RBM5: variants seen among roughly 807,000 people sequenced by gnomAD.
RBM5 encodes the protein RNA binding motif protein 5.
In RBM5, 15 loss-of-function variants were observed where a neutral mutation model predicts 124.6. That is an observed-to-expected ratio of 0.12 (90% CI 0.08 to 0.19). RBM5 has a LOEUF of 0.19. RBM5 is among the 10% of genes least tolerant of loss of function. The pLI, the probability that RBM5 is intolerant of heterozygous loss-of-function variation, is 1.00. For missense variants in RBM5, 580 were observed against 1,026.5 expected, an observed-to-expected ratio of 0.57 and a Z score of 5.94; for synonymous variants, 337 against 361.2, an observed-to-expected ratio of 0.93 and a Z score of 0.76.
chr3:50,090,520 GT>G, intron 2 of RBM5, 69 bp downstream of exon 2: 1 of 1,567,620 alleles, frequency 6.4e-7, no homozygotes. Context: ...GTTTAAAATA[GT>G]TTATCAAACT....
chr3:50,105,143 G>GT lies in RBM5; in HGVS notation c.694+2dup, dbSNP rs1307979260. ...CAGTCTGTGGATTACTACTGTGATAGTAAGTTCATACACGATCTTTTGGTC... is the reference window on the plus strand; with the variant it reads ...CAGTCTGTGGATTACTACTGTGATAGTTAAGTTCATACACGATCTTTTGGTC... On this transcript the variant is annotated splice_donor_variant, in intron 9 of 24. Coordinates refer to ENST00000347869, the MANE Select transcript of RBM5 (RefSeq NM_005778.4). LOFTEE classifies it high-confidence loss of function. The GT allele has an allele frequency of 3.2e-6, 5 of 1,582,108 alleles. No homozygotes were observed. The highest frequency in any genetic ancestry group is 4.3e-6 in the Non-Finnish European group (5 of 1,151,628).
intron 12 of RBM5, 90 bp from the exon 13 acceptor site, chr3:50,107,980 C>G: frequency 8.8e-7 from 1 of 1,132,454 alleles, no homozygotes; most frequent in East Asian, 2.4e-5. Flanking sequence ...GCCACAGCGC[C>G]CAGCATCATG....
intron 9 of RBM5, 128 bp downstream of exon 9, chr3:50,105,270 T>C: frequency 1.3e-6 from 1 of 778,396 alleles, no homozygotes; most frequent in Non-Finnish European, 2.0e-6. Context: ...TAGCTGGGTG[T>C]GGTGGCACAC....
At chr3:50,091,703 C>T (rs1294205108) in intron 2 of RBM5, among the ~76,000 whole-genome samples, 1 of 152,148 alleles carries the variant, frequency 6.6e-6, no homozygotes, top group Non-Finnish European at 1.5e-5. Flanking sequence ...TGTTTTTGGT[C>T]ACTAAGATCT....
At position 50,113,502 on chromosome 3, in the gene RBM5, G is replaced by T; in HGVS notation, c.1575G>T (p.Gly525=). Residue 525 remains glycine, a synonymous_variant, in exon 18 of 25, where the codon GGG becomes GGT. Transcript: ENST00000347869. ...QQSGLPPAKE[G]KEKKEKPKSK... is the part of the protein sequence containing the mutation. ...CGGGCCTGCCTCCTGCAAAAGAGGG[G>T]AAAGAGAAGAAGGAGAAACCCAAGA... 1 of 1,614,088 alleles carries T rather than the reference G, an allele frequency of 6.2e-7. No homozygotes were observed. Among genetic ancestry groups the T allele is most frequent in the Non-Finnish European group, 8.5e-7 (1 of 1,180,022 alleles).
At chr3:50,114,499 G>T in intron 20 of RBM5, 1 of 474,750 alleles carries the variant, frequency 2.1e-6, no homozygotes, top group Non-Finnish European at 3.7e-6. Flanking sequence ...TTGCATCTGT[G>T]AGTGGAGAGT....
Position 50,108,119 on chromosome 3 carries a change from G to T in RBM5, c.1091G>T (p.Gly364Val). Reference protein sequence around the residue: ...GSVDYSYLQPGQDGYAQYAQY... With the variant: ...GSVDYSYLQPVQDGYAQYAQY... The stretch of plus-strand genomic sequence containing the variant: ...GTTGACTACAGTTATCTGCAACCAG[G>T]TCAAGATGGCTATGCCCAATATGCT... The change falls in exon 13 of 25, where the codon GGT becomes GTT. Residue 364 changes from glycine to valine, a missense_variant. Coordinates refer to ENST00000347869, the MANE Select transcript of RBM5 (RefSeq NM_005778.4). 1 of 1,611,630 alleles carries T rather than the reference G, an allele frequency of 6.2e-7. No individual in the cohort carries two copies. The highest frequency in any genetic ancestry group is 8.5e-7 in the Non-Finnish European group (1 of 1,177,732).
At chr3:50,106,689 A>C (rs1575323018) in intron 10 of RBM5, 78 bp from the exon 11 acceptor site, 1 of 1,026,920 alleles carries the variant, frequency 9.7e-7, no homozygotes, top group East Asian at 2.4e-5. Context: ...ATAGAAAACT[A>C]CTTCTTTGAA....
At chr3:50,106,118 ATTTTTTTTTTTTTTTTTTTTTTT>A (rs61297967) in intron 10 of RBM5, among the ~76,000 whole-genome samples, 4,160 of 33,122 alleles carry the variant, frequency 0.13, 392 homozygotes, top group African/African-American at 0.36. Context: ...ACGCCCAGCT[ATTTTTTTTTTTTTTTTTTTTTTT>A]TTTTTTTTTT....
At chr3:50,089,938 A>G (rs1022736673) in intron 1 of RBM5, 2 of 158,972 alleles carry the variant, frequency 1.3e-5, no homozygotes, top group East Asian at 1.9e-4. Context: ...ACGAGGTTTT[A>G]CATTTTTCAT....
intron 12 of RBM5, 106 bp downstream of exon 12, chr3:50,107,675 T>A (rs2091062196): frequency 1.3e-5 from 3 of 222,430 alleles, no homozygotes; most frequent in East Asian, 8.3e-5. Context: ...TTCTTTTCTT[T>A]TTTTTTTTTT....
At chr3:50,107,667 CTTTTCT>C (rs2091060494) in intron 12 of RBM5, 98 bp downstream of exon 12, 2 of 135,128 alleles carry the variant, frequency 1.5e-5, no homozygotes, top group Non-Finnish European at 2.7e-5. Flanking sequence ...GAGCTCTTTT[CTTTTCT>C]TTTTTTTTTT....
intron 2 of RBM5, 77 bp downstream of exon 2, chr3:50,090,528 A>G (rs1198450654): frequency 1.3e-6 from 2 of 1,539,742 alleles, no homozygotes; most frequent in Non-Finnish European, 8.9e-7. Context: ...TAGTTTATCA[A>G]ACTAATATAT....
rs761365050 is a variant in RBM5, at chr3:50,103,070, T to A, written c.484-13T>A. On this transcript the variant is annotated splice_polypyrimidine_tract_variant and intron_variant, in intron 6 of 24. Transcript: ENST00000347869. Reference sequence around the variant, plus strand: ...CTCACAATGGGAATAACTAATTACTTCTTTTCTTACAGAAAAAGTTGGTGA... The same window carrying A: ...CTCACAATGGGAATAACTAATTACTACTTTTCTTACAGAAAAAGTTGGTGA... 3.2e-6 allele frequency: 5 copies of A among 1,577,038 alleles called. No individual in the cohort carries two copies. The South Asian group carries it at 5.5e-5, about 17-fold the overall frequency.
intron 10 of RBM5, 96 bp from the exon 11 acceptor site, chr3:50,106,671 A>AT (rs2091039219): frequency 4.5e-6 from 4 of 882,674 alleles, no homozygotes; most frequent in Non-Finnish European, 7.1e-6. Flanking sequence ...ATTGCCTTTT[A>AT]TTTTTTAATA....
rs1278380198 is a variant in RBM5, at chr3:50,089,425, C to G, written c.-54+396C>G. ...TCCGAAAAGCTGTTCGGTGATCGCC[C>G]ATCTGCGGGTTTGGAACCTCTTGGG... On this transcript the variant is annotated intron_variant, in intron 1 of 24. Transcript: ENST00000347869. Among the ~76,000 whole-genome samples the G allele has an allele frequency of 2.0e-5, 3 of 152,322 alleles. No individual in the cohort carries two copies. The East Asian group carries it at 5.8e-4, about 29-fold the overall frequency.
intron 2 of RBM5, among the ~76,000 whole-genome samples, chr3:50,091,633 A>G (rs1430763369): frequency 6.6e-6 from 1 of 152,220 alleles, no homozygotes; most frequent in Non-Finnish European, 1.5e-5. Context: ...TAGATGAGCC[A>G]GGGATGTACT....
chr3:50,108,317 A>G lies in RBM5; in HGVS notation c.1192+13A>G. ...TCATCTGCATCAGGTAGTAAACTTC[A>G]TCTCCCTTTTACCTTTTGTTTAAGC... On this transcript the variant is annotated intron_variant, in intron 14 of 24. Coordinates refer to ENST00000347869, the MANE Select transcript of RBM5 (RefSeq NM_005778.4). 4 of 1,597,066 alleles carry G rather than the reference A, an allele frequency of 2.5e-6. No homozygotes were observed. The highest frequency in any genetic ancestry group is 1.3e-5 in the African/African-American group (1 of 74,656).
intron 17 of RBM5, 197 bp downstream of exon 17, chr3:50,110,967 AAT>A: frequency 1.8e-6 from 1 of 555,044 alleles, no homozygotes. Flanking sequence ...TTTGAGGTAT[AAT>A]ATACACACAA....
Sources: gnomAD v4.1 joint callset for allele counts (sites outside exome capture counted in the v4.1 genomes callset) on GRCh38, gnomAD v4.1.1 for gene constraint, MANE v1.5 for transcripts, NCBI Gene and HGNC (gene_info 2026-07-23, HGNC 2026-07-21) for gene names.